Variants in KIF13B observed in about 807,000 individuals in gnomAD.
The protein encoded by KIF13B is kinesin family member 13B, also known as kinesin-like protein KIF13B.
Under a neutral mutation model 222.0 loss-of-function variants are expected in KIF13B, and 127 were observed. The observed-to-expected ratio is 0.57, with a 90% CI of 0.50 to 0.66. The LOEUF is 0.66. Ranked by LOEUF, KIF13B falls within the 30% of genes least tolerant of loss-of-function variation. The pLI is 0.00. For missense variants in KIF13B, 2,173 were observed against 2,379.0 expected (o/e 0.91, Z 1.80); for synonymous variants, 976 against 919.0 (o/e 1.06, Z -1.12).
At chr8:29,167,619 T>C in intron 10 of KIF13B, 34 bp from the exon 11 acceptor site, 1 of 1,556,444 alleles carries the variant, frequency 6.4e-7, no homozygotes. Context: ...AGTAGCATAT[T>C]AAAGTTGGAA....
chr8:29,227,593 GAGA>G (rs1279566036), intron 2 of KIF13B, among the ~76,000 whole-genome samples: 30 of 152,244 alleles, frequency 2.0e-4, no homozygotes, highest in Admixed American at 1.7e-3. Context: ...AGATTATTCT[GAGA>G]AGGAGTCCAC....
intron 1 of KIF13B, among the ~76,000 whole-genome samples, chr8:29,262,422 C>A (rs1321812955): frequency 2.0e-5 from 3 of 152,224 alleles, no homozygotes; most frequent in African/African-American, 7.2e-5. Flanking sequence ...AATCTCAGGA[C>A]GCCCAGGTGG....
rs1035938183 is a variant in KIF13B at position 29,071,021 on chromosome 8, G to A, written c.5219-255C>T. Among the ~76,000 whole-genome samples the A allele has an allele frequency of 6.6e-6, 1 of 152,208 alleles. No homozygotes were observed. Among genetic ancestry groups the A allele is most frequent in the African/African-American group, 2.4e-5 (1 of 41,444 alleles). ...CACAGCCCCAGTCCTGCAGCCTCAGGTAGGAGGTGACAGGCCCTGGGGGCC... is the reference window on the plus strand; with the variant it reads ...CACAGCCCCAGTCCTGCAGCCTCAGATAGGAGGTGACAGGCCCTGGGGGCC... On this transcript the variant is annotated intron_variant, in intron 39 of 39. Transcript: ENST00000524189. This position sits in a 1 kb window ranked among gnomAD's most constrained non-coding sequence, Gnocchi z 4.9.
intron 2 of KIF13B, among the ~76,000 whole-genome samples, chr8:29,233,756 A>G (rs1455345397): frequency 6.6e-6 from 1 of 152,212 alleles, no homozygotes; most frequent in African/African-American, 2.4e-5. Context: ...TGGGAGGCCA[A>G]GGTAGGAGGA....
In KIF13B at chr8:29,079,004, G is replaced by A. The variant is rs1432610098; in HGVS notation, c.4459-3661C>T. ...CATTCTACATGAACACATGGGAGAT[G>A]AGGTCAGAATTTTAAAACTTGGAAT... On this transcript the variant is annotated intron_variant, in intron 37 of 39. Coordinates refer to ENST00000524189, the MANE Select transcript of KIF13B (RefSeq NM_015254.4). 2.0e-5 allele frequency among the ~76,000 whole-genome samples: 3 copies of A among 152,234 alleles called. No homozygotes were observed. The South Asian group carries it at 6.2e-4, about 32-fold the overall frequency.
chr8:29,090,694 A>G (rs183123850), intron 37 of KIF13B, among the ~76,000 whole-genome samples: 7 of 152,200 alleles, frequency 4.6e-5, no homozygotes, highest in Admixed American at 2.0e-4. Context: ...AGATTTATAT[A>G]CTTTATGTAT....
chr8:29,191,805 CACTG>C (rs1218202045), intron 3 of KIF13B, among the ~76,000 whole-genome samples: 3 of 152,236 alleles, frequency 2.0e-5, no homozygotes, highest in Non-Finnish European at 2.9e-5. Context: ...GCAAATTTTT[CACTG>C]ACTGCATCTT....
chr8:29,071,912 G>A lies in KIF13B; in HGVS notation c.4926C>T (p.Pro1642=), dbSNP rs1047011755. 6.9e-7 allele frequency: 1 copy of A among 1,445,408 alleles called. No homozygotes were observed. Among genetic ancestry groups the A allele is most frequent in the Non-Finnish European group, 9.0e-7 (1 of 1,111,770 alleles). The allele number at this position is 1,445,408 out of a possible 1,614,324, so 89.5% of individuals were successfully genotyped here. The change falls in exon 39 of 40, where the codon CCC becomes CCT. Residue 1642 remains proline, a synonymous_variant. Coordinates refer to ENST00000524189, the MANE Select transcript of KIF13B (RefSeq NM_015254.4). The surrounding 1 kb of genome is among the most constrained non-coding windows in gnomAD (Gnocchi z 4.9). The part of the protein sequence containing the change: ...RERPDLEAPA[P]GSPFRVRRVR... The stretch of plus-strand genomic sequence containing the variant: ...CCCTCCGGACGCGGAACGGGGAGCC[G>A]GGCGCCGGGGCCTCGAGGTCGGGGC...
chr8:29,126,656 C>G (rs1023025369), intron 25 of KIF13B, 145 bp from the exon 26 acceptor site: 7 of 646,478 alleles, frequency 1.1e-5, no homozygotes, highest in East Asian at 2.8e-5. Context: ...CCCACACCCT[C>G]ACTCTGGGTT....
intron 1 of KIF13B, among the ~76,000 whole-genome samples, chr8:29,252,756 T>C (rs1047286929): frequency 3.3e-5 from 5 of 152,202 alleles, no homozygotes; most frequent in Non-Finnish European, 5.9e-5. Context: ...TGGAATATAA[T>C]ATTTAATGGC....
chr8:29,080,916 C>T (rs185484442), intron 37 of KIF13B, among the ~76,000 whole-genome samples: 2 of 152,280 alleles, frequency 1.3e-5, no homozygotes, highest in East Asian at 1.9e-4. Flanking sequence ...ACTCGAATAG[C>T]GTCTTCTAAC....
intron 18 of KIF13B, among the ~76,000 whole-genome samples, chr8:29,142,549 G>C (rs1466738178): frequency 6.6e-6 from 1 of 152,038 alleles, no homozygotes; most frequent in African/African-American, 2.4e-5. Context: ...AAAATTTTTT[G>C]GGGGGAGTTG....
intron 2 of KIF13B, among the ~76,000 whole-genome samples, chr8:29,196,704 T>G (rs1813437595): frequency 6.6e-6 from 1 of 152,156 alleles, no homozygotes; most frequent in Admixed American, 6.5e-5. Context: ...GCCAGTGAAT[T>G]AACCCAGCTG....
intron 25 of KIF13B, among the ~76,000 whole-genome samples, chr8:29,126,903 G>A (rs919334900): frequency 2.0e-5 from 3 of 152,240 alleles, no homozygotes; most frequent in South Asian, 4.1e-4. Flanking sequence ...AGGCTGAGAC[G>A]TTTTAACCCT....
intron 2 of KIF13B, among the ~76,000 whole-genome samples, chr8:29,228,336 G>A (rs895905783): frequency 4.6e-5 from 7 of 151,282 alleles, no homozygotes; most frequent in African/African-American, 9.7e-5. Flanking sequence ...ACATGGTGGC[G>A]GGCGCCTGTA....
At chr8:29,209,806 C>T (rs1037129594) in intron 2 of KIF13B, among the ~76,000 whole-genome samples, 1 of 149,166 alleles carries the variant, frequency 6.7e-6, no homozygotes, top group Admixed American at 6.8e-5. Context: ...AATCCCAACA[C>T]TATGGGAGGC....
At chr8:29,205,471 G>A (rs543868397) in intron 2 of KIF13B, among the ~76,000 whole-genome samples, 1 of 152,082 alleles carries the variant, frequency 6.6e-6, no homozygotes, top group East Asian at 1.9e-4. Context: ...GAAAAACACC[G>A]ACTCACAAAT....
In KIF13B at chr8:29,071,954, C is replaced by A; in HGVS notation, c.4884G>T (p.Val1628=). The part of the protein sequence containing the change: ...AEEPPGPQQL[V]SPGRERPDLE... ...GGTCGGGGCGCTCCCGACCGGGGCT[C>A]ACGAGCTGCTGGGGGCCAGGGGGCT... The change falls in exon 39 of 40, where the codon GTG becomes GTT. Residue 1628 remains valine (V), a synonymous_variant. Transcript: ENST00000524189. The surrounding 1 kb of genome is among the most constrained non-coding windows in gnomAD (Gnocchi z 4.9). 1 of 1,359,102 alleles carries A rather than the reference C, an allele frequency of 7.4e-7. No homozygotes were observed. 84.2% of individuals were successfully genotyped at this position (1,359,102 alleles called of 1,614,324 possible). A position where few individuals can be genotyped will look rare whatever the true frequency, so the allele number is the denominator to read the frequency against.
At chr8:29,259,890 G>A (rs1460517223) in intron 1 of KIF13B, among the ~76,000 whole-genome samples, 1 of 152,172 alleles carries the variant, frequency 6.6e-6, no homozygotes, top group Non-Finnish European at 1.5e-5. Flanking sequence ...TTGCATCTCA[G>A]ATGAAGAAAG....
Sources: gnomAD v4.1 joint callset for allele counts (sites outside exome capture counted in the v4.1 genomes callset) on GRCh38, gnomAD v4.1.1 for gene constraint, Gnocchi (gnomAD v3.1) non-coding constraint, MANE v1.5 for transcripts, NCBI Gene and HGNC (gene_info 2026-07-23, HGNC 2026-07-21) for gene names.